Variants in FMN2 observed in about 807,000 individuals in gnomAD.
The protein encoded by FMN2 is formin-2.
In FMN2, 51 loss-of-function variants were observed where a neutral mutation model predicts 142.3. The observed-to-expected ratio is 0.36, with a 90% CI of 0.29 to 0.45. The LOEUF (loss-of-function observed/expected upper bound fraction) is 0.45, where lower values mean the gene tolerates loss of function less well. Among genes scored for constraint, FMN2 ranks in the 20% least tolerant of loss-of-function variants. FMN2 has a pLI of 1.00. For missense variants in FMN2, 1,936 were observed against 2,122.8 expected, an observed-to-expected ratio of 0.91 and a Z score of 1.73; for synonymous variants, 882 against 869.8, an observed-to-expected ratio of 1.01 and a Z score of -0.25.
chr1:240,469,955 G>A (rs1179172943), intron 16 of FMN2, among the ~76,000 whole-genome samples: 1 of 152,122 alleles, frequency 6.6e-6, no homozygotes, highest in Non-Finnish European at 1.5e-5. Flanking sequence ...ATTCTCCTCA[G>A]TTTTTGTGGT....
chr1:240,264,053 A>G (rs1010195301), intron 7 of FMN2, among the ~76,000 whole-genome samples: 6 of 152,186 alleles, frequency 3.9e-5, no homozygotes, highest in Admixed American at 1.3e-4. Flanking sequence ...AGTTATTTTT[A>G]TGTTTTAATT....
At chr1:240,357,239 A>T (rs2103048582) in intron 14 of FMN2, among the ~76,000 whole-genome samples, 1 of 152,360 alleles carries the variant, frequency 6.6e-6, no homozygotes, top group Non-Finnish European at 1.5e-5. Flanking sequence ...TATTCAAAAA[A>T]GCAATCAAGC....
chr1:240,199,013 G>A (rs941410998), intron 4 of FMN2, among the ~76,000 whole-genome samples: 1 of 152,150 alleles, frequency 6.6e-6, no homozygotes, highest in African/African-American at 2.4e-5. Flanking sequence ...GCTGATGAGG[G>A]AGAATCGCTT....
intron 7 of FMN2, among the ~76,000 whole-genome samples, chr1:240,271,819 A>G (rs1326617454): frequency 3.3e-5 from 5 of 152,168 alleles, no homozygotes; most frequent in Non-Finnish European, 5.9e-5. Context: ...CTTTTTATAA[A>G]AAGAAATACC....
At chr1:240,326,647 A>G (rs1000744039) in intron 8 of FMN2, among the ~76,000 whole-genome samples, 5 of 152,128 alleles carry the variant, frequency 3.3e-5, no homozygotes, top group African/African-American at 1.2e-4. Context: ...TTGAGTGTAT[A>G]TTAAGGTGTC....
chr1:240,161,105 T>C (rs1296079233), intron 2 of FMN2, among the ~76,000 whole-genome samples: 2 of 152,004 alleles, frequency 1.3e-5, no homozygotes, highest in East Asian at 3.9e-4. Flanking sequence ...TTATCATGTT[T>C]ATGGTTTTGA....
intron 6 of FMN2, among the ~76,000 whole-genome samples, chr1:240,221,509 A>C (rs1398308144): frequency 6.6e-6 from 1 of 152,150 alleles, no homozygotes; most frequent in Non-Finnish European, 1.5e-5. Flanking sequence ...GGCCACATAA[A>C]TGTCTTCTTT....
chr1:240,220,204 G>A (rs936093484), intron 6 of FMN2, among the ~76,000 whole-genome samples: 1 of 152,170 alleles, frequency 6.6e-6, no homozygotes, highest in South Asian at 2.1e-4. Context: ...CACAGGAAAC[G>A]GAGAAACAGT....
intron 2 of FMN2, among the ~76,000 whole-genome samples, chr1:240,159,212 C>A (rs1213077223): frequency 6.6e-6 from 1 of 151,682 alleles, no homozygotes; most frequent in Non-Finnish European, 1.5e-5. Flanking sequence ...TTAAATCCAC[C>A]CTATGAAACT....
chr1:240,143,908 A>T, intron 2 of FMN2: 2 of 1,560,324 alleles, frequency 1.3e-6, no homozygotes, highest in Non-Finnish European at 1.8e-6. Flanking sequence ...GATTTGAGCC[A>T]GCGTAGGCCA....
chr1:240,120,895 C>T (rs1192120126), intron 1 of FMN2, among the ~76,000 whole-genome samples: 1 of 152,168 alleles, frequency 6.6e-6, no homozygotes, highest in African/African-American at 2.4e-5. Flanking sequence ...CGGTGTTTTA[C>T]GCCCGTAATC....
intron 8 of FMN2, among the ~76,000 whole-genome samples, chr1:240,323,475 C>T (rs1342537088): frequency 3.3e-5 from 5 of 152,122 alleles, no homozygotes; most frequent in Admixed American, 6.5e-5. Flanking sequence ...AGATTACAGG[C>T]GTGAGCCATG....
intron 9 of FMN2, 77 bp downstream of exon 9, chr1:240,329,244 G>T: frequency 3.8e-6 from 6 of 1,586,822 alleles, no homozygotes; most frequent in Non-Finnish European, 5.2e-6. Flanking sequence ...TGCAAATGCG[G>T]TGTCTTCAGT....
At chr1:240,425,272 T>C (rs1369055304) in intron 15 of FMN2, among the ~76,000 whole-genome samples, 2 of 148,526 alleles carry the variant, frequency 1.3e-5, no homozygotes, top group African/African-American at 4.9e-5. Context: ...TCCAGGCAGA[T>C]GAAAAACAAG....
At chr1:240,369,296 C>T (rs1046540027) in intron 14 of FMN2, among the ~76,000 whole-genome samples, 2 of 152,078 alleles carry the variant, frequency 1.3e-5, no homozygotes, top group Non-Finnish European at 2.9e-5. Flanking sequence ...TTTTTACTTC[C>T]CTCTAAACAA....
At chr1:240,310,563 C>A (rs369940320) in intron 8 of FMN2, among the ~76,000 whole-genome samples, 32 of 152,228 alleles carry the variant, frequency 2.1e-4, no homozygotes, top group African/African-American at 6.7e-4. Flanking sequence ...TGCAGTACAA[C>A]CTAGTGAGTT....
chr1:240,367,574 C>G (rs547553078), intron 14 of FMN2, among the ~76,000 whole-genome samples: 1 of 151,866 alleles, frequency 6.6e-6, no homozygotes, highest in Non-Finnish European at 1.5e-5. Flanking sequence ...CGAGACCATC[C>G]TGGCTAACAC....
chr1:240,412,549 G>A (rs978833998), intron 15 of FMN2, among the ~76,000 whole-genome samples: 2 of 152,072 alleles, frequency 1.3e-5, no homozygotes, highest in Non-Finnish European at 2.9e-5. Context: ...GACAATTATT[G>A]TAGTCACAAA....
intron 2 of FMN2, among the ~76,000 whole-genome samples, chr1:240,139,577 A>G (rs1055258935): frequency 2.0e-5 from 3 of 151,838 alleles, no homozygotes; most frequent in Admixed American, 6.5e-5. Context: ...ACAAAAAAAC[A>G]AGATATTTTT....
Sources: gnomAD v4.1 joint callset for allele counts (sites outside exome capture counted in the v4.1 genomes callset) on GRCh38, gnomAD v4.1.1 for gene constraint, MANE v1.5 for transcripts, NCBI Gene and HGNC (gene_info 2026-07-23, HGNC 2026-07-21) for gene names.